HECW1: variants seen among roughly 807,000 people sequenced by gnomAD.
The protein encoded by HECW1 is HECT, C2 and WW domain containing E3 ubiquitin protein ligase 1, also known as E3 ubiquitin-protein ligase HECW1.
In HECW1, 61 loss-of-function variants were observed where a neutral mutation model predicts 182.3. That is an observed-to-expected ratio of 0.33 (90% confidence interval 0.27 to 0.41). HECW1 has a LOEUF of 0.41. HECW1 is among the 10% of genes least tolerant of loss of function. The probability of loss-of-function intolerance (pLI) is 1.00; values close to 1 mark genes in which losing one functional copy is unlikely to be tolerated. For missense variants in HECW1, 1,739 were observed against 2,108.9 expected (o/e 0.82, Z 3.44); for synonymous variants, 859 against 832.6 (o/e 1.03, Z -0.55).
chr7:43,251,419 CCAGCCT>C (rs1237349624), intron 3 of HECW1, among the ~76,000 whole-genome samples: 2 of 152,158 alleles, frequency 1.3e-5, no homozygotes, highest in African/African-American at 2.4e-5. Context: ...AAGCAATTCT[CCAGCCT>C]CAGCCTCAGC....
chr7:43,380,361 G>A (rs1442951078), intron 6 of HECW1, among the ~76,000 whole-genome samples: 2 of 152,106 alleles, frequency 1.3e-5, no homozygotes, highest in African/African-American at 4.8e-5. Context: ...ACTGTGCCCA[G>A]CCTCTTTGAG....
intron 6 of HECW1, among the ~76,000 whole-genome samples, chr7:43,374,298 G>A (rs1341831446): frequency 2.0e-5 from 3 of 152,156 alleles, no homozygotes; most frequent in Non-Finnish European, 4.4e-5. Flanking sequence ...AGAGAACATT[G>A]TATCTTTGAA....
intron 5 of HECW1, among the ~76,000 whole-genome samples, chr7:43,329,552 G>C (rs1333662395): frequency 3.3e-5 from 5 of 152,116 alleles, no homozygotes; most frequent in Admixed American, 3.3e-4. Flanking sequence ...AACTGGATGT[G>C]TGCCTGGGGA....
chr7:43,147,982 A>T (rs139873287), intron 2 of HECW1, among the ~76,000 whole-genome samples: 2,862 of 152,372 alleles, frequency 0.019, 79 homozygotes, highest in Admixed American at 0.067. Flanking sequence ...TGCAAAGCTC[A>T]TCCCCCAAAG....
chr7:43,309,920 G>T lies in HECW1; in HGVS notation c.28-1843G>T, dbSNP rs572045478. Among the ~76,000 whole-genome samples, 4 of 152,280 alleles carry T rather than the reference G, an allele frequency of 2.6e-5. No homozygotes were observed. The South Asian group carries it at 6.2e-4, about 24-fold the overall frequency. The stretch of plus-strand genomic sequence containing the variant: ...TTAGCAAGAGATTTTTATTTATTGA[G>T]CAGGTACTGTACTAAGAACTTGACT... On this transcript the variant is annotated intron_variant, in intron 3 of 29. Transcript: ENST00000395891.
intron 24 of HECW1, among the ~76,000 whole-genome samples, chr7:43,514,144 AGCAGG>A (rs1307988450): frequency 6.6e-6 from 1 of 152,174 alleles, no homozygotes; most frequent in Non-Finnish European, 1.5e-5. Context: ...AGGACAGGAG[AGCAGG>A]GAATGGAAAA....
chr7:43,136,792 T>C (rs931283430), intron 2 of HECW1, among the ~76,000 whole-genome samples: 1 of 152,152 alleles, frequency 6.6e-6, no homozygotes, highest in African/African-American at 2.4e-5. Context: ...CCCAGTGCTG[T>C]GCCTTGGGGA....
At position 43,340,538 on chromosome 7, in the gene HECW1, T is replaced by C. The variant is rs76203735; in HGVS notation, c.460+19796T>C. Among the ~76,000 whole-genome samples, 1,388 of 151,508 alleles carry C rather than the reference T, an allele frequency of 9.2e-3. 65 individuals are homozygous for C. Among genetic ancestry groups the C allele is most frequent in the African/African-American group, 0.033 (1,348 of 40,928 alleles). Reference sequence around the variant, plus strand: ...GCCCGGCCTCTAATTACCTTTGAACTGTGCAAGCAATAGCCCCAGGGATCA... The same window carrying C: ...GCCCGGCCTCTAATTACCTTTGAACCGTGCAAGCAATAGCCCCAGGGATCA... On this transcript the variant is annotated intron_variant, in intron 5 of 29. Transcript: ENST00000395891.
chr7:43,254,495 C>A (rs1800359481), intron 3 of HECW1, among the ~76,000 whole-genome samples: 1 of 152,216 alleles, frequency 6.6e-6, no homozygotes, highest in Admixed American at 6.5e-5. Context: ...ACTAGACAAG[C>A]ACTTTTACTG....
chr7:43,239,726 C>T (rs183780027), intron 2 of HECW1, among the ~76,000 whole-genome samples: 7 of 152,356 alleles, frequency 4.6e-5, no homozygotes, highest in African/African-American at 9.6e-5. Context: ...ATGTCAGATA[C>T]ACCCACTTAA....
intron 9 of HECW1, chr7:43,438,998 T>C (rs2076796036): frequency 6.6e-6 from 1 of 152,196 alleles, no homozygotes; most frequent in African/African-American, 2.4e-5. Flanking sequence ...TTATTATTAA[T>C]TGGAACCTTA....
intron 3 of HECW1, among the ~76,000 whole-genome samples, chr7:43,255,093 C>T (rs1204789020): frequency 6.6e-6 from 1 of 152,210 alleles, no homozygotes; most frequent in Admixed American, 6.5e-5. Flanking sequence ...TGTTAGAACA[C>T]AAACTCTATG....
Position 43,243,887 on chromosome 7 carries a change from G to T in HECW1, c.-19G>T. 1 of 1,613,146 alleles carries T rather than the reference G, an allele frequency of 6.2e-7. No individual in the cohort carries two copies. Among genetic ancestry groups the T allele is most frequent in the Non-Finnish European group, 8.5e-7 (1 of 1,179,160 alleles). The stretch of plus-strand genomic sequence containing the variant: ...GACTTTTCCCCAGGAATTGATGCGC[G>T]TACACGTGGTGGGTCATTATGCTGC... On this transcript the variant is annotated 5_prime_UTR_variant, in exon 3 of 30. Transcript: ENST00000395891. This position sits in a 1 kb window ranked among gnomAD's most constrained non-coding sequence, Gnocchi z 4.0.
chr7:43,424,822 T>G (rs1219032580), intron 8 of HECW1, among the ~76,000 whole-genome samples: 1 of 152,160 alleles, frequency 6.6e-6, no homozygotes, highest in African/African-American at 2.4e-5. Context: ...CCATGATTAA[T>G]TAGCTAATCC....
chr7:43,533,497 G>T (rs896105750), intron 24 of HECW1, among the ~76,000 whole-genome samples: 1 of 152,098 alleles, frequency 6.6e-6, no homozygotes, highest in Non-Finnish European at 1.5e-5. Context: ...AGGCATCCAG[G>T]CATGGATGCA....
intron 3 of HECW1, among the ~76,000 whole-genome samples, chr7:43,308,090 TTA>T (rs546065966): frequency 0.01 from 1,105 of 107,522 alleles, 26 homozygotes; most frequent in African/African-American, 0.041. Flanking sequence ...ATATTATATA[TTA>T]TATATGTTAT....
intron 24 of HECW1, chr7:43,511,398 A>T (rs979177750): frequency 6.6e-6 from 1 of 152,270 alleles, no homozygotes; most frequent in African/African-American, 2.4e-5. Context: ...GGGAACCCTT[A>T]TGATTTAAAG....
intron 4 of HECW1, among the ~76,000 whole-genome samples, chr7:43,314,496 G>C (rs1033164606): frequency 6.6e-6 from 1 of 151,752 alleles, no homozygotes; most frequent in African/African-American, 2.4e-5. Context: ...ATAACCAGGA[G>C]ACTAGAGAGA....
chr7:43,470,878 T>C (rs1332507510), intron 16 of HECW1, among the ~76,000 whole-genome samples: 1 of 152,202 alleles, frequency 6.6e-6, no homozygotes, highest in Non-Finnish European at 1.5e-5. Context: ...AGACTTGCAA[T>C]GTATTACCAC....
Sources: allele counts gnomAD v4.1 joint callset (sites outside exome capture counted in the v4.1 genomes callset), GRCh38; gene constraint gnomAD v4.1.1; non-coding constraint Gnocchi (gnomAD v3.1); transcripts MANE v1.5; gene names NCBI Gene and HGNC (gene_info 2026-07-23, HGNC 2026-07-21).